Variants in CSMD1 observed in about 807,000 individuals in gnomAD.
CSMD1 encodes the protein CUB and sushi domain-containing protein 1.
In CSMD1, 213 loss-of-function variants were observed where a neutral mutation model predicts 417.5. That is an observed-to-expected ratio of 0.51 (90% CI 0.46 to 0.57). CSMD1 has a LOEUF of 0.57. CSMD1 is among the 20% of genes least tolerant of loss of function. The probability of loss-of-function intolerance (pLI) is 0.00; values close to 1 mark genes in which losing one functional copy is unlikely to be tolerated. For missense variants in CSMD1, 6,923 were observed against 4,529.7 expected (o/e 1.53, Z -15.17); for synonymous variants, 2,862 against 1,736.8 (o/e 1.65, Z -16.11).
intron 5 of CSMD1, among the ~76,000 whole-genome samples, chr8:3,882,141 G>C (rs912937545): frequency 6.6e-6 from 1 of 151,702 alleles, no homozygotes; most frequent in Non-Finnish European, 1.5e-5. Flanking sequence ...CATCACAATT[G>C]GCTCCTCCAC....
At chr8:3,354,469 G>C (rs1174931541) in intron 21 of CSMD1, among the ~76,000 whole-genome samples, 1 of 150,812 alleles carries the variant, frequency 6.6e-6, no homozygotes, top group Non-Finnish European at 1.5e-5. Context: ...GAAACAGAAA[G>C]TCTACCTTTC....
intron 10 of CSMD1, among the ~76,000 whole-genome samples, chr8:3,558,384 CCCGTGT>C (rs1799277690): frequency 6.9e-6 from 1 of 144,530 alleles, no homozygotes; most frequent in Non-Finnish European, 1.5e-5. Flanking sequence ...TCAGTAGTAC[CCCGTGT>C]CCACTTCTCC....
chr8:3,681,750 AG>A (rs1799675117), intron 7 of CSMD1, among the ~76,000 whole-genome samples: 1 of 152,196 alleles, frequency 6.6e-6, no homozygotes, highest in Non-Finnish European at 1.5e-5. Flanking sequence ...CTAAGCCAAA[AG>A]AACAAAGCTG....
At chr8:4,239,471 G>A (rs933062344) in intron 3 of CSMD1, among the ~76,000 whole-genome samples, 2 of 152,174 alleles carry the variant, frequency 1.3e-5, no homozygotes, top group Non-Finnish European at 2.9e-5. Context: ...AAGGAGAGAT[G>A]TAGCACCCTC....
intron 2 of CSMD1, among the ~76,000 whole-genome samples, chr8:4,445,751 C>G (rs561116174): frequency 6.6e-6 from 1 of 152,096 alleles, no homozygotes; most frequent in East Asian, 1.9e-4. Flanking sequence ...CAATAATAGA[C>G]GGTCCTGAGA....
intron 10 of CSMD1, among the ~76,000 whole-genome samples, chr8:3,553,197 A>G (rs1254294906): frequency 6.6e-6 from 1 of 152,150 alleles, no homozygotes; most frequent in Admixed American, 6.5e-5. Flanking sequence ...ATGCAATGTA[A>G]TATCACTTCA....
Position 4,578,332 on chromosome 8 carries a change from A to ATTT in CSMD1, c.302+59007_302+59009dup, listed in dbSNP as rs1172600205. Among the ~76,000 whole-genome samples the ATTT allele has an allele frequency of 4.9e-3, 240 of 48,754 alleles. 27 individuals are homozygous for ATTT. Among genetic ancestry groups the ATTT allele is most frequent in the African/African-American group, 0.016 (208 of 13,092 alleles). The allele number at this position is 48,754 out of a possible 152,430, so 32.0% of individuals were successfully genotyped here. A position where few individuals can be genotyped will look rare whatever the true frequency, so the allele number is the denominator to read the frequency against. ...AGGCACCTGCCACGACACCCGGCTC[A>ATTT]TTTTTTTTTTTTTTTTTTTTTTTTT... On this transcript the variant is annotated intron_variant, in intron 2 of 69. Transcript: ENST00000635120.
At chr8:4,904,829 G>A (rs557293161) in intron 1 of CSMD1, among the ~76,000 whole-genome samples, 3 of 152,276 alleles carry the variant, frequency 2.0e-5, no homozygotes, top group Admixed American at 2.0e-4. Flanking sequence ...CTGGCATGAA[G>A]ATCCCTATCA....
chr8:3,646,848 C>T (rs114324294), intron 7 of CSMD1, among the ~76,000 whole-genome samples: 2,305 of 152,224 alleles, frequency 0.015, 67 homozygotes, highest in African/African-American at 0.052. Context: ...GGCTGCTTGC[C>T]TCTCTGGCTG....
At chr8:4,088,021 T>A (rs572494944) in intron 3 of CSMD1, among the ~76,000 whole-genome samples, 1 of 152,284 alleles carries the variant, frequency 6.6e-6, no homozygotes, top group South Asian at 2.1e-4. Context: ...ATATCATTTC[T>A]GTGCTAAATG....
intron 26 of CSMD1, among the ~76,000 whole-genome samples, chr8:3,265,235 GA>G (rs1000625976): frequency 4.3e-4 from 65 of 152,148 alleles, no homozygotes; most frequent in African/African-American, 1.5e-3. Context: ...AAGAAATAAT[GA>G]AAAAACAAGG....
intron 5 of CSMD1, among the ~76,000 whole-genome samples, chr8:3,780,837 C>A (rs892438321): frequency 6.6e-6 from 1 of 152,156 alleles, no homozygotes; most frequent in African/African-American, 2.4e-5. Context: ...ACAATTTCCT[C>A]AATAATTTTC....
chr8:4,576,851 C>G lies in CSMD1; in HGVS notation c.302+60491G>C, dbSNP rs528890050. ...AACTATTTTAATTTCATGTACATTT[C>G]CACAAATGCTTTAGTCACATACTTC... On this transcript the variant is annotated intron_variant, in intron 2 of 69. Coordinates refer to ENST00000635120, the MANE Select transcript of CSMD1 (RefSeq NM_033225.6). 9.2e-5 allele frequency among the ~76,000 whole-genome samples: 14 copies of G among 152,144 alleles called. 1 individual carries two copies. Among genetic ancestry groups the G allele is most frequent in the Middle Eastern group, 3.4e-3 (1 of 294 alleles).
chr8:4,778,073 A>G (rs1353801744), intron 1 of CSMD1, among the ~76,000 whole-genome samples: 1 of 152,222 alleles, frequency 6.6e-6, no homozygotes, highest in Non-Finnish European at 1.5e-5. Context: ...ACACAGGCAT[A>G]CTGGTGCAAT....
At chr8:4,016,165 A>C (rs947182609) in intron 4 of CSMD1, among the ~76,000 whole-genome samples, 1 of 152,192 alleles carries the variant, frequency 6.6e-6, no homozygotes, top group Non-Finnish European at 1.5e-5. Flanking sequence ...AAAAGCATTG[A>C]ACGTTCATAA....
chr8:3,512,485 C>T (rs1283354513), intron 10 of CSMD1, among the ~76,000 whole-genome samples: 2 of 151,838 alleles, frequency 1.3e-5, no homozygotes, highest in East Asian at 3.9e-4. Flanking sequence ...CTGTAAGAGG[C>T]ACTGAAAGAA....
Position 3,552,998 on chromosome 8 carries a change from C to T in CSMD1, c.1344+21947G>A, listed in dbSNP as rs192186103. ...GTTCACCACATATTTAGACCTGTCA[C>T]GTACTGTCTGTCAATTACTGGTAGT... is the stretch of plus-strand genomic sequence containing the variant. On this transcript the variant is annotated intron_variant, in intron 10 of 69. Transcript: ENST00000635120. Among the ~76,000 whole-genome samples, 57 of 152,046 alleles carry T rather than the reference C, an allele frequency of 3.7e-4. 1 individual carries two copies. Among genetic ancestry groups the T allele is most frequent in the Middle Eastern group, 3.4e-3 (1 of 294 alleles).
chr8:3,831,234 A>C (rs1001262978), intron 5 of CSMD1, among the ~76,000 whole-genome samples: 3 of 152,208 alleles, frequency 2.0e-5, no homozygotes, highest in Non-Finnish European at 4.4e-5. Flanking sequence ...AATAAAAAAA[A>C]CAAAGTTTTG....
At chr8:4,861,727 T>C (rs901440424) in intron 1 of CSMD1, among the ~76,000 whole-genome samples, 2 of 152,066 alleles carry the variant, frequency 1.3e-5, no homozygotes, top group African/African-American at 4.8e-5. Flanking sequence ...ATGGCATACG[T>C]TAAAGAATGT....
Sources: gnomAD v4.1 joint callset for allele counts (sites outside exome capture counted in the v4.1 genomes callset) on GRCh38, gnomAD v4.1.1 for gene constraint, MANE v1.5 for transcripts, NCBI Gene and HGNC (gene_info 2026-07-23, HGNC 2026-07-21) for gene names.